The following NIM1K variants were observed in gnomAD, a reference collection of about 807,000 sequenced individuals.
NIM1K encodes the protein NIM1 serine/threonine protein kinase.
A neutral mutation model predicts 37.1 loss-of-function variants in NIM1K; 35 were observed. The ratio of observed to expected loss-of-function variants is 0.94; its 90% CI spans 0.72 to 1.25. The LOEUF is 1.25. Ranked by LOEUF, NIM1K falls within the 50% of genes most tolerant of loss-of-function variation. NIM1K has a pLI of 0.00. For missense variants in NIM1K, 564 were observed against 548.0 expected (o/e 1.03, Z -0.29); for synonymous variants, 234 against 206.6 (o/e 1.13, Z -1.14).
At chr5:43,207,256 T>A (rs1426756919) in intron 1 of NIM1K, 1 of 758,506 alleles carries the variant, frequency 1.3e-6, no homozygotes, top group Admixed American at 1.7e-5. Context: ...AAGATTACAC[T>A]GGCAAAGATG....
chr5:43,209,542 T>C (rs75001199), intron 1 of NIM1K, among the ~76,000 whole-genome samples: 3,508 of 152,140 alleles, frequency 0.023, 142 homozygotes, highest in East Asian at 0.16. Context: ...CAAAAAAGGA[T>C]GTTTATGAGA....
chr5:43,208,259 A>G (rs1752147136), intron 1 of NIM1K, among the ~76,000 whole-genome samples: 2 of 152,136 alleles, frequency 1.3e-5, no homozygotes, highest in African/African-American at 4.8e-5. Context: ...AGAGTTAAAA[A>G]AATGAATAGG....
chr5:43,217,170 C>T (rs185926686), intron 1 of NIM1K, among the ~76,000 whole-genome samples: 2 of 152,290 alleles, frequency 1.3e-5, no homozygotes, highest in Admixed American at 1.3e-4. Context: ...AATCTACTTT[C>T]TGTCTTTATA....
At chr5:43,192,917 C>A (rs901106092) in intron 1 of NIM1K, 1 of 152,274 alleles carries the variant, frequency 6.6e-6, no homozygotes, top group Admixed American at 6.5e-5. Context: ...GGCGTGATCT[C>A]CCCACGCGCG....
At chr5:43,235,045 T>G (rs1385181417) in intron 1 of NIM1K, among the ~76,000 whole-genome samples, 1 of 152,240 alleles carries the variant, frequency 6.6e-6, no homozygotes, top group African/African-American at 2.4e-5. Context: ...TAAACTGCAT[T>G]TATAATTTGT....
chr5:43,262,290 A>G (rs943684505), intron 2 of NIM1K, among the ~76,000 whole-genome samples: 15 of 152,292 alleles, frequency 9.8e-5, no homozygotes, highest in African/African-American at 3.4e-4. Context: ...TTCATTGAGC[A>G]GTGCTTTGTA....
intron 2 of NIM1K, among the ~76,000 whole-genome samples, chr5:43,275,023 C>A (rs1430608343): frequency 6.6e-6 from 1 of 152,150 alleles, no homozygotes; most frequent in African/African-American, 2.4e-5. Flanking sequence ...AAGATTCATT[C>A]ATTTTCTAAC....
At chr5:43,269,206 A>G (rs1753216304) in intron 2 of NIM1K, among the ~76,000 whole-genome samples, 1 of 146,448 alleles carries the variant, frequency 6.8e-6, no homozygotes, top group Non-Finnish European at 1.5e-5. Context: ...GCTACTCAGG[A>G]GGCTGAGGCA....
chr5:43,234,205 A>G (rs1265355894), intron 1 of NIM1K, among the ~76,000 whole-genome samples: 4 of 152,058 alleles, frequency 2.6e-5, no homozygotes, highest in Non-Finnish European at 5.9e-5. Flanking sequence ...GGGAATGACA[A>G]TACCTCACTT....
chr5:43,238,343 A>C (rs1752650925), intron 1 of NIM1K, among the ~76,000 whole-genome samples: 1 of 151,828 alleles, frequency 6.6e-6, no homozygotes, highest in South Asian at 2.1e-4. Context: ...GCGCCCGGCC[A>C]ATTTAATTCT....
At position 43,245,422 on chromosome 5, in the gene NIM1K, C is replaced by T. The variant is rs1477678348; in HGVS notation, c.-354C>T. 5.3e-6 allele frequency: 1 copy of T among 187,132 alleles called. No homozygotes were observed. The allele number at this position is 187,132 out of a possible 1,614,324, so 11.6% of individuals were successfully genotyped here. On this transcript the variant is annotated 5_prime_UTR_variant, in exon 2 of 4. Transcript: ENST00000326035. ...CTTTGTCCTGGGGCACAGCCACCTACCACAAAGCATCAGACTCCACGTCTG... is the reference window on the plus strand; with the variant it reads ...CTTTGTCCTGGGGCACAGCCACCTATCACAAAGCATCAGACTCCACGTCTG...
chr5:43,203,494 T>A (rs951471687), intron 1 of NIM1K, among the ~76,000 whole-genome samples: 4 of 152,192 alleles, frequency 2.6e-5, no homozygotes, highest in African/African-American at 9.7e-5. Flanking sequence ...TTTCTGTGCA[T>A]CACTTTTCTT....
intron 1 of NIM1K, among the ~76,000 whole-genome samples, chr5:43,237,071 G>T (rs1339808961): frequency 2.0e-5 from 3 of 152,176 alleles, no homozygotes; most frequent in Non-Finnish European, 4.4e-5. Flanking sequence ...GCCTGAGAAG[G>T]ATTATAACTG....
At chr5:43,201,435 G>T (rs558131145) in intron 1 of NIM1K, among the ~76,000 whole-genome samples, 1 of 151,522 alleles carries the variant, frequency 6.6e-6, no homozygotes, top group Non-Finnish European at 1.5e-5. Flanking sequence ...AAAGTACACA[G>T]TTGATATGCC....
At chr5:43,208,401 G>A (rs1483620875) in intron 1 of NIM1K, among the ~76,000 whole-genome samples, 2 of 152,040 alleles carry the variant, frequency 1.3e-5, no homozygotes, top group African/African-American at 2.4e-5. Context: ...TCAGGAGTTC[G>A]AGAACAGCCT....
At chr5:43,232,688 C>G in intron 1 of NIM1K, 1 of 1,482,530 alleles carries the variant, frequency 6.7e-7, no homozygotes, top group Non-Finnish European at 9.2e-7. Flanking sequence ...GACTTCTTGC[C>G]GTAATCAACC....
chr5:43,206,935 T>C (rs1185961901), intron 1 of NIM1K: 2 of 767,150 alleles, frequency 2.6e-6, no homozygotes, highest in African/African-American at 3.4e-5. Context: ...AGAGTTACAA[T>C]GGTGATGCAC....
At chr5:43,239,323 A>G in intron 1 of NIM1K, among the ~76,000 whole-genome samples, 1 of 151,384 alleles carries the variant, frequency 6.6e-6, no homozygotes, top group East Asian at 1.9e-4. Flanking sequence ...TTGCAACCTC[A>G]GCTTCCCGGG....
At chr5:43,259,159 G>A (rs1752991135) in intron 2 of NIM1K, among the ~76,000 whole-genome samples, 1 of 152,130 alleles carries the variant, frequency 6.6e-6, no homozygotes, top group African/African-American at 2.4e-5. Context: ...CTCATTGGTT[G>A]GTTGACACTT....
Sources: allele counts gnomAD v4.1 joint callset (sites outside exome capture counted in the v4.1 genomes callset), GRCh38; gene constraint gnomAD v4.1.1; transcripts MANE v1.5; gene names NCBI Gene and HGNC (gene_info 2026-07-23, HGNC 2026-07-21).